The following DDX3X variants were observed in gnomAD, a reference collection of about 807,000 sequenced individuals.
The protein encoded by DDX3X is ATP-dependent RNA helicase DDX3X.
In DDX3X, 4 loss-of-function variants were observed where a neutral mutation model predicts 52.7. That is an observed-to-expected ratio of 0.08 (90% CI 0.04 to 0.17). The LOEUF is 0.17. Ranked by LOEUF, DDX3X falls within the 10% of genes least tolerant of loss-of-function variation. The probability of loss-of-function intolerance (pLI) is 1.00; values close to 1 mark genes in which losing one functional copy is unlikely to be tolerated. For synonymous variants in DDX3X, 192 were observed against 178.1 expected, an observed-to-expected ratio of 1.08 and a Z score of -0.62; for missense variants, 222 against 548.6, an observed-to-expected ratio of 0.40 and a Z score of 5.95.
At chrX:41,352,331 C>T (rs1224967789), downstream of DDX3X, among the ~76,000 whole-genome samples, 1 of 111,881 alleles carries the variant, frequency 8.9e-6, no homozygotes, top group Non-Finnish European at 1.9e-5. Flanking sequence ...TTACTGTCTT[C>T]CTTGTTACAT....
rs745409903 is a variant in DDX3X, at chrX:41,343,990, GGGTA to G, written c.766-34_766-31del. The G allele has an allele frequency of 2.7e-6, 3 of 1,098,379 alleles. No individual in the cohort carries two copies. The African/African-American group carries it at 5.6e-5, about 21-fold the overall frequency. 90.5% of individuals were successfully genotyped at this position (1,098,379 alleles called of 1,213,427 possible). A position where few individuals can be genotyped will look rare whatever the true frequency, so the allele number is the denominator to read the frequency against. On this transcript the variant is annotated intron_variant, in intron 8 of 16. Transcript: ENST00000644876. ...TATGTTGTGATGAACTTTTCAAACA[GGGTA>G]GGTAGAGTTAACTTAAAAATTAACT...
Position 41,349,074 on chromosome X carries a change from C to A in DDX3X, c.*1355C>A, listed in dbSNP as rs2063960457. The A allele has an allele frequency of 8.9e-6, 1 of 112,120 alleles. No individual in the cohort carries two copies. Among genetic ancestry groups the A allele is most frequent in the African/African-American group, 3.2e-5 (1 of 30,795 alleles). 9.2% of individuals were successfully genotyped at this position (112,120 alleles called of 1,213,427 possible). ...CTGTGCTAATTTTGTGGCCAGAATG[C>A]GGTGATCAAAACGCTCCATCTTTTT... On this transcript the variant is annotated 3_prime_UTR_variant, in exon 17 of 17. Transcript: ENST00000644876.
In DDX3X at chrX:41,342,409, A is replaced by G. The variant is rs182246947; in HGVS notation, c.285-86A>G. On this transcript the variant is annotated intron_variant, in intron 4 of 16. Coordinates refer to ENST00000644876, the MANE Select transcript of DDX3X (RefSeq NM_001356.5). ...CATCCTTATGGTTAGCCATAACTTAAGTCTCCAGATACAGTTCTAGAGTAG... is the reference window on the plus strand; with the variant it reads ...CATCCTTATGGTTAGCCATAACTTAGGTCTCCAGATACAGTTCTAGAGTAG... 89 of 1,036,290 alleles carry G rather than the reference A, an allele frequency of 8.6e-5. No homozygotes were observed. In the East Asian group the frequency reaches 2.5e-3, roughly 29 times the overall value. 85.4% of individuals were successfully genotyped at this position (1,036,290 alleles called of 1,213,427 possible).
Position 41,343,753 on chromosome X carries a change from A to G in DDX3X, c.696A>G (p.Ala232=), listed in dbSNP as rs1230837389. The G allele has an allele frequency of 8.3e-7, 1 of 1,211,048 alleles. No homozygotes were observed. The highest frequency in any genetic ancestry group is 3.0e-5 in the East Asian group (1 of 33,852). ...ACAQTGSGKT[A]AFLLPILSQI... The stretch of plus-strand genomic sequence containing the variant: ...TTTGAACAGGGTCTGGAAAAACTGC[A>G]GCATTTCTGTTGCCCATCTTGAGTC... Residue 232 remains alanine (A), a synonymous_variant, in exon 8 of 17, where the codon GCA becomes GCG. Coordinates refer to ENST00000644876, the MANE Select transcript of DDX3X (RefSeq NM_001356.5).
At position 41,346,513 on chromosome X, in the gene DDX3X, A is replaced by G; in HGVS notation, c.1506A>G (p.Ala502=). The G allele has an allele frequency of 8.3e-7, 1 of 1,207,463 alleles. No homozygotes were observed. The highest frequency in any genetic ancestry group is 1.1e-6 in the Non-Finnish European group (1 of 893,395). ...SPILVATAVA[A]RGLDISNVKH... ...TAAAAGTTATTTTCCAGGTAGCAGCAAGAGGACTGGACATTTCAAATGTGA... is the reference window on the plus strand; with the variant it reads ...TAAAAGTTATTTTCCAGGTAGCAGCGAGAGGACTGGACATTTCAAATGTGA... Residue 502 remains alanine (A), a synonymous_variant, in exon 14 of 17, where the codon GCA becomes GCG. Coordinates refer to ENST00000644876, the MANE Select transcript of DDX3X (RefSeq NM_001356.5).
intron 2 of DDX3X, chrX:41,338,828 T>TA (rs2063807106): frequency 6.8e-6 from 1 of 147,304 alleles, no homozygotes; most frequent in Non-Finnish European, 1.3e-5. Flanking sequence ...AGCTTTTTTT[T>TA]ATCAAACTCC....
intron 3 of DDX3X, chrX:41,341,250 G>T (rs1197873306): frequency 6.8e-6 from 2 of 292,191 alleles, no homozygotes; most frequent in East Asian, 6.5e-5. Context: ...CTCCCAAAGT[G>T]CTGGGATTAC....
In DDX3X at chrX:41,348,483, T is replaced by TTA. The variant is rs2063954280; in HGVS notation, c.*765_*766dup. The TTA allele has an allele frequency of 8.9e-6, 1 of 112,808 alleles. No homozygotes were observed. The allele number at this position is 112,808 out of a possible 1,213,427, so 9.3% of individuals were successfully genotyped here. On this transcript the variant is annotated 3_prime_UTR_variant, in exon 17 of 17. Coordinates refer to ENST00000644876, the MANE Select transcript of DDX3X (RefSeq NM_001356.5). ...AATACAGCAATTCCTCTTTCAACGT[T>TTA]TAGGCAGATCATTAATTATGAGCTA...
At position 41,334,202 on chromosome X, in the gene DDX3X, C is replaced by CAA. The variant is rs760263901; in HGVS notation, c.-49_-48dup. 2 of 1,171,478 alleles carry CAA rather than the reference C, an allele frequency of 1.7e-6. No individual in the cohort carries two copies. The highest frequency in any genetic ancestry group is 2.3e-6 in the Non-Finnish European group (2 of 864,043). ...CCGTGAGAGGGCCTTCGCGGTGGAACAAACACTCGCTTAGCAGCGGAAGAC... is the reference window on the plus strand; with the variant it reads ...CCGTGAGAGGGCCTTCGCGGTGGAACAAAAACACTCGCTTAGCAGCGGAAGAC... On this transcript the variant is annotated 5_prime_UTR_variant, in exon 1 of 17. Coordinates refer to ENST00000644876, the MANE Select transcript of DDX3X (RefSeq NM_001356.5).
At chrX:41,341,744 CT>C in intron 4 of DDX3X, 128 bp downstream of exon 4, 1 of 616,415 alleles carries the variant, frequency 1.6e-6, no homozygotes, top group Non-Finnish European at 2.4e-6. Context: ...CCGTAAGAGG[CT>C]TTTACTAAAT....
intron 5 of DDX3X, among the ~76,000 whole-genome samples, chrX:41,357,628 G>T (rs2064014339): frequency 9.0e-6 from 1 of 110,619 alleles, no homozygotes; most frequent in Non-Finnish European, 1.9e-5. Flanking sequence ...TAGAGACAAG[G>T]TCTTGCTATG....
rs2063940040 is a variant in DDX3X, at chrX:41,347,354, A to G, written c.1812A>G (p.Gln604=). 1.7e-6 allele frequency: 2 copies of G among 1,209,916 alleles called. No individual in the cohort carries two copies. Among genetic ancestry groups the G allele is most frequent in the African/African-American group, 3.5e-5 (2 of 57,221 alleles). ...SGGFGARDYR[Q]SSGASSSSFS... ...GGTTTGGTGCCAGAGACTACCGACA[A>G]AGTAGCGGTGCCAGCAGTTCCAGCT... The change falls in exon 16 of 17, where the codon CAA becomes CAG. Residue 604 remains glutamine (Q), a synonymous_variant. Transcript: ENST00000644876.
chrX:41,342,959 G>A, intron 6 of DDX3X, 123 bp downstream of exon 6: 1 of 625,106 alleles, frequency 1.6e-6, no homozygotes, highest in Non-Finnish European at 2.5e-6. Flanking sequence ...TGTGGAAAAG[G>A]AGAAGTTGAG....
rs746018356 is a variant in DDX3X, at chrX:41,347,686, T to C, written c.1956T>C (p.Tyr652=). 1.7e-6 allele frequency: 2 copies of C among 1,203,148 alleles called. No individual in the cohort carries two copies. Among genetic ancestry groups the C allele is most frequent in the East Asian group, 3.0e-5 (1 of 33,815 alleles). ...ACAGTGATGGATATGGAGGAAATTA[T>C]AACTCCCAGGGGGTTGACTGGTGGG... ...FYNSDGYGGN[Y]NSQGVDWWGN Residue 652 remains tyrosine (Y), a synonymous_variant, in exon 17 of 17, where the codon TAT becomes TAC. Coordinates refer to ENST00000644876, the MANE Select transcript of DDX3X (RefSeq NM_001356.5).
Position 41,341,558 on chromosome X carries a change from A to G in DDX3X, c.226A>G (p.Ser76Gly), listed in dbSNP as rs1312827755. ...KDAYSSFGSR[S>G]DSRGKSSFFS... ...TGCGTATAGCAGTTTTGGATCTCGT[A>G]GTGATTCAAGAGGGAAGTCTAGCTT... Residue 76 changes from serine (S) to glycine (G), a missense_variant, in exon 4 of 17, where the codon AGT (serine) becomes GGT (glycine). Transcript: ENST00000644876. 1.7e-6 allele frequency: 2 copies of G among 1,208,887 alleles called. No homozygotes were observed. The highest frequency in any genetic ancestry group is 2.2e-6 in the Non-Finnish European group (2 of 892,698).
intron 3 of DDX3X, chrX:41,340,718 T>G (rs1395109458): frequency 3.4e-6 from 1 of 293,519 alleles, no homozygotes; most frequent in African/African-American, 2.7e-5. Flanking sequence ...TTGTACTTTA[T>G]ACTATTGAAA....
At chrX:41,364,334 G>A (rs57959748) in exon 6 of DDX3X, 6,780 of 295,356 alleles carry the variant, frequency 0.023, 367 homozygotes, top group African/African-American at 0.16. Flanking sequence ...GATGAGAACC[G>A]CATGCTGAGA....
intron 5 of DDX3X, among the ~76,000 whole-genome samples, chrX:41,360,122 A>T (rs967867519): frequency 1.8e-5 from 2 of 111,027 alleles, no homozygotes; most frequent in African/African-American, 6.5e-5. Flanking sequence ...TCATGCCTGT[A>T]ATCCCAACAC....
At chrX:41,362,027 T>G (rs780031096) in intron 5 of DDX3X, among the ~76,000 whole-genome samples, 3 of 108,995 alleles carry the variant, frequency 2.8e-5, no homozygotes, top group Non-Finnish European at 5.7e-5. Flanking sequence ...AAGTTCTATC[T>G]CCACACCTGC....
Sources: gnomAD v4.1 joint callset for allele counts (sites outside exome capture counted in the v4.1 genomes callset) on GRCh38, gnomAD v4.1.1 for gene constraint, MANE v1.5 for transcripts, NCBI Gene and HGNC (gene_info 2026-07-23, HGNC 2026-07-21) for gene names.